The following PHF21A variants were observed in gnomAD, a reference collection of about 807,000 sequenced individuals.
PHF21A encodes the protein BHC80a.
A neutral mutation model predicts 82.5 loss-of-function variants in PHF21A; 11 were observed. That is an observed-to-expected ratio of 0.13 (90% CI 0.08 to 0.22). PHF21A has a LOEUF of 0.22. PHF21A is among the 10% of genes least tolerant of loss of function. PHF21A has a pLI of 1.00. For synonymous variants in PHF21A, 297 were observed against 302.8 expected, an observed-to-expected ratio of 0.98 and a Z score of 0.20; for missense variants, 579 against 837.8, an observed-to-expected ratio of 0.69 and a Z score of 3.81.
intron 6 of PHF21A, among the ~76,000 whole-genome samples, chr11:46,003,467 T>A (rs940634134): frequency 6.6e-6 from 1 of 152,092 alleles, no homozygotes; most frequent in African/African-American, 2.4e-5. Context: ...TTCATAGTAC[T>A]AATGACACTA....
intron 7 of PHF21A, among the ~76,000 whole-genome samples, chr11:45,978,310 A>G (rs758957915): frequency 4.0e-5 from 6 of 150,986 alleles, no homozygotes; most frequent in African/African-American, 2.4e-5. Context: ...CAAAAAAACA[A>G]TAACAAAAAA....
At chr11:46,115,141 A>G (rs959591042) in intron 1 of PHF21A, among the ~76,000 whole-genome samples, 1 of 151,814 alleles carries the variant, frequency 6.6e-6, no homozygotes, top group Non-Finnish European at 1.5e-5. Flanking sequence ...AGGCAGGGAG[A>G]GGGGAGAGAC....
At position 45,934,239 on chromosome 11, in the gene PHF21A, C is replaced by T. The variant is rs760373236; in HGVS notation, c.1789-14G>A. 90 of 1,608,062 alleles carry T rather than the reference C, an allele frequency of 5.6e-5. No individual in the cohort carries two copies. Among genetic ancestry groups the T allele is most frequent in the Non-Finnish European group, 7.3e-5 (86 of 1,178,722 alleles). On this transcript the variant is annotated splice_polypyrimidine_tract_variant and intron_variant, in intron 18 of 18. Transcript: ENST00000676320. ...TTCCATGCATTTCTGCAGCAAATGA[C>T]AAGGGCAGTGGCACTGAGCCGCCTG...
At chr11:46,081,600 A>G (rs1200959564) in intron 4 of PHF21A, among the ~76,000 whole-genome samples, 1 of 152,260 alleles carries the variant, frequency 6.6e-6, no homozygotes, top group Non-Finnish European at 1.5e-5. Context: ...AATCAGGGGT[A>G]GGACAGGACG....
intron 6 of PHF21A, among the ~76,000 whole-genome samples, chr11:46,008,971 CTTT>C (rs368337006): frequency 1.8e-5 from 2 of 111,582 alleles, no homozygotes; most frequent in Non-Finnish European, 3.5e-5. Context: ...TCACATTTCA[CTTT>C]TTTTTTTTTT....
chr11:46,087,418 G>A (rs928263512), intron 3 of PHF21A, among the ~76,000 whole-genome samples: 10 of 152,196 alleles, frequency 6.6e-5, no homozygotes, highest in Non-Finnish European at 1.0e-4. Context: ...ACAAAGGCAT[G>A]AAGTTTTATT....
intron 6 of PHF21A, among the ~76,000 whole-genome samples, chr11:46,001,629 C>G (rs1226127727): frequency 6.6e-6 from 1 of 152,148 alleles, no homozygotes; most frequent in African/African-American, 2.4e-5. Flanking sequence ...TTCCCCCATG[C>G]TTACATTTTT....
chr11:46,061,918 T>C (rs1299218492), intron 6 of PHF21A, among the ~76,000 whole-genome samples: 2 of 152,308 alleles, frequency 1.3e-5, no homozygotes, highest in African/African-American at 4.8e-5. Context: ...AATGTCTCTA[T>C]TCTATCCCCG....
At chr11:46,118,615 G>C (rs899524047) in intron 1 of PHF21A, 4 of 152,176 alleles carry the variant, frequency 2.6e-5, no homozygotes, top group Admixed American at 2.6e-4. Flanking sequence ...GAAAAGATAG[G>C]TCCTGGGATT....
At chr11:45,947,991 A>C (rs1205380996) in intron 14 of PHF21A, among the ~76,000 whole-genome samples, 1 of 152,166 alleles carries the variant, frequency 6.6e-6, no homozygotes, top group Non-Finnish European at 1.5e-5. Flanking sequence ...AGGCAGACAA[A>C]GGGTCAGGAT....
chr11:45,935,335 G>T, intron 18 of PHF21A: 2 of 1,014,624 alleles, frequency 2.0e-6, no homozygotes, highest in Non-Finnish European at 2.8e-6. Context: ...TCAGGAATAC[G>T]CAGGGCCATG....
chr11:46,096,920 G>A (rs911661912), intron 1 of PHF21A, among the ~76,000 whole-genome samples: 2 of 152,066 alleles, frequency 1.3e-5, no homozygotes, highest in African/African-American at 4.8e-5. Context: ...CCTCCTCAGA[G>A]TCATTCCCAT....
At chr11:46,048,446 T>C (rs896586027) in intron 6 of PHF21A, among the ~76,000 whole-genome samples, 16 of 152,258 alleles carry the variant, frequency 1.1e-4, no homozygotes, top group African/African-American at 3.6e-4. Flanking sequence ...TTAGGTACCA[T>C]GAATAATGCT....
chr11:46,013,233 G>A (rs866390221), intron 6 of PHF21A, among the ~76,000 whole-genome samples: 1 of 152,098 alleles, frequency 6.6e-6, no homozygotes, highest in Non-Finnish European at 1.5e-5. Flanking sequence ...TAGGCACTGT[G>A]AATAGAAAAT....
intron 1 of PHF21A, among the ~76,000 whole-genome samples, chr11:46,093,860 T>C (rs2096957635): frequency 6.6e-6 from 1 of 152,200 alleles, no homozygotes; most frequent in East Asian, 1.9e-4. Context: ...GTTAAATGAA[T>C]GACTTTCTGG....
chr11:45,962,196 C>G (rs940115823), intron 10 of PHF21A, among the ~76,000 whole-genome samples: 2 of 152,174 alleles, frequency 1.3e-5, no homozygotes, highest in Non-Finnish European at 2.9e-5. Flanking sequence ...GCAACTGGTA[C>G]TTAACACATT....
intron 6 of PHF21A, among the ~76,000 whole-genome samples, chr11:45,984,678 C>A (rs947148298): frequency 6.6e-6 from 1 of 152,194 alleles, no homozygotes; most frequent in African/African-American, 2.4e-5. Flanking sequence ...ACCCAATCAA[C>A]CCACCAGTTT....
At chr11:46,117,855 T>C (rs1851792903) in intron 1 of PHF21A, 1 of 152,244 alleles carries the variant, frequency 6.6e-6, no homozygotes, top group Non-Finnish European at 1.5e-5. Flanking sequence ...ATCTACTTTG[T>C]ACAGTCAAAG....
At chr11:46,082,308 A>G (rs554786390) in intron 4 of PHF21A, among the ~76,000 whole-genome samples, 1 of 152,268 alleles carries the variant, frequency 6.6e-6, no homozygotes, top group East Asian at 1.9e-4. Flanking sequence ...TTGTCCCACT[A>G]TTTCGTCAAA....
Sources: allele counts gnomAD v4.1 joint callset (sites outside exome capture counted in the v4.1 genomes callset), GRCh38; gene constraint gnomAD v4.1.1; transcripts MANE v1.5; gene names NCBI Gene and HGNC (gene_info 2026-07-23, HGNC 2026-07-21).